Variants in KLHL8 observed in about 807,000 individuals in gnomAD.
KLHL8 encodes the protein kelch like family member 8.
In KLHL8, 38 loss-of-function variants were observed where a neutral mutation model predicts 63.5. The ratio of observed to expected loss-of-function variants is 0.60; its 90% CI spans 0.46 to 0.78. The LOEUF (loss-of-function observed/expected upper bound fraction) is 0.78. KLHL8 is among the 30% of genes least tolerant of loss of function. The probability of loss-of-function intolerance (pLI) is 0.00; values close to 1 mark genes in which losing one functional copy is unlikely to be tolerated. For missense variants in KLHL8, 566 were observed against 752.4 expected (o/e 0.75, Z 2.90); for synonymous variants, 224 against 254.3 (o/e 0.88, Z 1.13).
At chr4:87,231,949 TTA>T (rs1733144759) in intron 1 of KLHL8, among the ~76,000 whole-genome samples, 1 of 152,184 alleles carries the variant, frequency 6.6e-6, no homozygotes, top group Non-Finnish European at 1.5e-5. Context: ...TCCTAATGCT[TTA>T]TTTCTATAAC....
chr4:87,235,233 G>A (rs776456946), intron 1 of KLHL8, among the ~76,000 whole-genome samples: 2 of 152,116 alleles, frequency 1.3e-5, no homozygotes, highest in Non-Finnish European at 2.9e-5. Context: ...AGTCCTGCAT[G>A]CTCCATTGAG....
At chr4:87,207,937 A>G (rs1732210572) in intron 1 of KLHL8, 8 of 1,000,260 alleles carry the variant, frequency 8.0e-6, no homozygotes, top group Non-Finnish European at 1.3e-5. Flanking sequence ...TGTCTCCTCC[A>G]ACTTCAACAG....
chr4:87,218,724 G>A (rs889228389), intron 1 of KLHL8, among the ~76,000 whole-genome samples: 5 of 151,992 alleles, frequency 3.3e-5, no homozygotes, highest in Admixed American at 6.6e-5. Context: ...GTTGAATAGA[G>A]TATCCTTAGA....
rs138120268 is a variant in KLHL8, at chr4:87,192,810, A to G, written c.216+2514T>C. 7.2e-3 allele frequency among the ~76,000 whole-genome samples: 1,102 copies of G among 152,332 alleles called. 10 individuals are homozygous for G. Among genetic ancestry groups the G allele is most frequent in the African/African-American group, 0.025 (1,050 of 41,568 alleles). On this transcript the variant is annotated intron_variant, in intron 2 of 9. Coordinates refer to ENST00000273963, the MANE Select transcript of KLHL8 (RefSeq NM_020803.5). ...ACAAACCTGCATGGCTTATTACTGT[A>G]CTGCACACTGTAGGCAACTGAAACA...
chr4:87,200,507 G>A (rs1309684453), intron 1 of KLHL8, among the ~76,000 whole-genome samples: 1 of 151,996 alleles, frequency 6.6e-6, no homozygotes, highest in Admixed American at 6.6e-5. Context: ...GTTGAATCTG[G>A]GGATGTCTAA....
At chr4:87,214,183 T>C (rs1732502923) in intron 1 of KLHL8, among the ~76,000 whole-genome samples, 1 of 150,680 alleles carries the variant, frequency 6.6e-6, no homozygotes, top group South Asian at 2.1e-4. Context: ...GAACCCACTA[T>C]AGAAAAGATG....
intron 1 of KLHL8, among the ~76,000 whole-genome samples, chr4:87,234,860 A>G (rs1733200270): frequency 6.6e-6 from 1 of 152,146 alleles, no homozygotes; most frequent in Admixed American, 6.5e-5. Context: ...AGTGATATTG[A>G]CGATCCTGAC....
At chr4:87,195,196 A>G in intron 2 of KLHL8, 128 bp downstream of exon 2, 1 of 652,098 alleles carries the variant, frequency 1.5e-6, no homozygotes, top group South Asian at 2.0e-5. Flanking sequence ...AAAAAGATTG[A>G]GACTAAAAGC....
chr4:87,183,402 A>G lies in KLHL8; in HGVS notation c.766-13T>C. On this transcript the variant is annotated splice_polypyrimidine_tract_variant and intron_variant, in intron 3 of 9. Coordinates refer to ENST00000273963, the MANE Select transcript of KLHL8 (RefSeq NM_020803.5). ...ATGGCAGGCGAACCTAAGATCATGA[A>G]TAGTTGCAATACAACAAATTTTATA... 1.9e-6 allele frequency: 3 copies of G among 1,555,334 alleles called. No individual in the cohort carries two copies. Among genetic ancestry groups the G allele is most frequent in the Non-Finnish European group, 2.6e-6 (3 of 1,142,914 alleles).
At chr4:87,180,771 G>A (rs773292283) in intron 4 of KLHL8, among the ~76,000 whole-genome samples, 1 of 152,068 alleles carries the variant, frequency 6.6e-6, no homozygotes, top group Non-Finnish European at 1.5e-5. Flanking sequence ...AGCAAATTAT[G>A]GTGGCTCACA....
At chr4:87,164,696 C>T (rs1730308014) in intron 8 of KLHL8, among the ~76,000 whole-genome samples, 1 of 152,148 alleles carries the variant, frequency 6.6e-6, no homozygotes, top group Non-Finnish European at 1.5e-5. Flanking sequence ...TTAATCTGTT[C>T]CTGAGGTTAT....
At chr4:87,180,513 C>T (rs1024397873) in intron 4 of KLHL8, among the ~76,000 whole-genome samples, 9 of 152,160 alleles carry the variant, frequency 5.9e-5, no homozygotes, top group Non-Finnish European at 4.4e-5. Context: ...TATAAAAGTA[C>T]CTGTTAAGAC....
At chr4:87,219,134 T>C (rs1732719652) in intron 1 of KLHL8, among the ~76,000 whole-genome samples, 1 of 152,196 alleles carries the variant, frequency 6.6e-6, no homozygotes, top group East Asian at 1.9e-4. Flanking sequence ...GACTAAAAGT[T>C]TGAAGTTTGA....
At chr4:87,229,507 T>G (rs372529653) in intron 1 of KLHL8, among the ~76,000 whole-genome samples, 17 of 150,456 alleles carry the variant, frequency 1.1e-4, no homozygotes, top group African/African-American at 4.2e-4. Context: ...CGATCTTGGC[T>G]CGCAACCTCT....
At chr4:87,211,710 G>A (rs1732414439) in intron 1 of KLHL8, among the ~76,000 whole-genome samples, 3 of 152,144 alleles carry the variant, frequency 2.0e-5, no homozygotes, top group Admixed American at 1.3e-4. Flanking sequence ...AGGTTGCAAT[G>A]AGCCGAGATC....
intron 4 of KLHL8, among the ~76,000 whole-genome samples, chr4:87,180,360 C>T (rs1262267840): frequency 6.6e-6 from 1 of 152,196 alleles, no homozygotes; most frequent in African/African-American, 2.4e-5. Context: ...AACACCCTTA[C>T]CCTAACTAGC....
At chr4:87,183,086 T>C in intron 4 of KLHL8, 117 bp downstream of exon 4, 1 of 642,510 alleles carries the variant, frequency 1.6e-6, no homozygotes, top group Admixed American at 2.9e-5. Context: ...TATTTGCCAA[T>C]TATTACTTTA....
At chr4:87,169,398 T>A (rs1730549164) in intron 8 of KLHL8, among the ~76,000 whole-genome samples, 1 of 152,210 alleles carries the variant, frequency 6.6e-6, no homozygotes, top group Non-Finnish European at 1.5e-5. Context: ...TGAGACCTTT[T>A]AAAATTTATT....
At chr4:87,229,205 G>C (rs975486350) in intron 1 of KLHL8, among the ~76,000 whole-genome samples, 16 of 152,046 alleles carry the variant, frequency 1.1e-4, no homozygotes, top group African/African-American at 2.7e-4. Context: ...AGGGTAATTA[G>C]ATATATGCCT....
Sources: gnomAD v4.1 joint callset for allele counts (sites outside exome capture counted in the v4.1 genomes callset) on GRCh38, gnomAD v4.1.1 for gene constraint, MANE v1.5 for transcripts, NCBI Gene and HGNC (gene_info 2026-07-23, HGNC 2026-07-21) for gene names.